The following FAM120A variants were observed in gnomAD, a reference collection of about 807,000 sequenced individuals.
FAM120A encodes constitutive coactivator of PPAR-gamma-like protein 1.
In FAM120A, 15 loss-of-function variants were observed where a neutral mutation model predicts 109.7. The ratio of observed to expected loss-of-function variants is 0.14; its 90% CI spans 0.09 to 0.21. FAM120A has a LOEUF of 0.21. Among genes scored for constraint, FAM120A ranks in the 10% least tolerant of loss-of-function variants. The probability of loss-of-function intolerance (pLI) is 1.00; values close to 1 mark genes in which losing one functional copy is unlikely to be tolerated. For synonymous variants in FAM120A, 493 were observed against 572.8 expected (o/e 0.86, Z 1.99); for missense variants, 899 against 1,439.3 (o/e 0.62, Z 6.07).
In FAM120A at chr9:93,564,315, T is replaced by C; in HGVS notation, c.3132T>C (p.Ser1044=). Residue 1044 remains serine, a synonymous_variant, in exon 18 of 18, where the codon TCT becomes TCC. Transcript: ENST00000277165. ...KSGESKSSAM[S]SDGSLAENGV... is the part of the protein sequence containing the mutation. ...GGGAATCGAAGTCCTCTGCTATGTC[T>C]TCAGACGGGTCCCTGGCTGAAAACG... The C allele has an allele frequency of 1.2e-6, 2 of 1,614,234 alleles. No homozygotes were observed. The highest frequency in any genetic ancestry group is 8.5e-7 in the Non-Finnish European group (1 of 1,180,034).
At chr9:93,496,527 T>C (rs1859581663) in intron 3 of FAM120A, among the ~76,000 whole-genome samples, 1 of 152,236 alleles carries the variant, frequency 6.6e-6, no homozygotes, top group Non-Finnish European at 1.5e-5. Flanking sequence ...CTCTGCAGGC[T>C]CTCGGGAGGA....
At chr9:93,495,164 C>T (rs1416602433) in intron 3 of FAM120A, among the ~76,000 whole-genome samples, 1 of 152,194 alleles carries the variant, frequency 6.6e-6, no homozygotes, top group Non-Finnish European at 1.5e-5. Flanking sequence ...TTGCCAGTGG[C>T]CTGTGGGCCA....
intron 5 of FAM120A, among the ~76,000 whole-genome samples, chr9:93,514,348 G>C (rs893073827): frequency 6.6e-6 from 1 of 152,196 alleles, no homozygotes; most frequent in East Asian, 1.9e-4. Context: ...GGGATGTGCA[G>C]CCTAACCATA....
rs150866667 is a variant in FAM120A at position 93,529,496 on chromosome 9, C to T, written c.1650C>T (p.Pro550=). Residue 550 remains proline (P), a synonymous_variant, in exon 9 of 18, where the codon CCC becomes CCT. Coordinates refer to ENST00000277165, the MANE Select transcript of FAM120A (RefSeq NM_014612.5). ...ACATCACCACACCTCCCCTGCCCCC[C>T]GTCGCACCTGAGGTGCTGAGAGTGG... ...HMDITTPPLP[P]VAPEVLRVAE... 5.6e-5 allele frequency: 90 copies of T among 1,614,234 alleles called. 1 individual carries two copies. The highest frequency in any genetic ancestry group is 4.4e-4 in the South Asian group (40 of 91,080).
intron 5 of FAM120A, among the ~76,000 whole-genome samples, chr9:93,501,961 A>G (rs1859821636): frequency 6.6e-6 from 1 of 152,252 alleles, no homozygotes; most frequent in Non-Finnish European, 1.5e-5. Context: ...TTGAAAGTCT[A>G]GAAGGAACAA....
At position 93,483,821 on chromosome 9, in the gene FAM120A, T is replaced by A. The variant is rs570386044; in HGVS notation, c.804+7483T>A. Among the ~76,000 whole-genome samples, 14 of 152,368 alleles carry A rather than the reference T, an allele frequency of 9.2e-5. No individual in the cohort carries two copies. In the South Asian group the frequency reaches 2.9e-3, roughly 32 times the overall value. On this transcript the variant is annotated intron_variant, in intron 3 of 17. Coordinates refer to ENST00000277165, the MANE Select transcript of FAM120A (RefSeq NM_014612.5). ...TTAAGTCTTGAAAACCTGCATTTAA[T>A]AAGAAATTTGTTATTTGCTCCTTTT...
chr9:93,498,480 T>C lies in FAM120A; in HGVS notation c.934-310T>C, dbSNP rs749307528. 6.6e-6 allele frequency among the ~76,000 whole-genome samples: 1 copy of C among 152,136 alleles called. No individual in the cohort carries two copies. The highest frequency in any genetic ancestry group is 1.5e-5 in the Non-Finnish European group (1 of 68,004). On this transcript the variant is annotated intron_variant, in intron 4 of 17. Coordinates refer to ENST00000277165, the MANE Select transcript of FAM120A (RefSeq NM_014612.5). This position sits in a 1 kb window ranked among gnomAD's most constrained non-coding sequence, Gnocchi z 4.4. Reference sequence around the variant, plus strand: ...TTCCCTTGGTACAGATGGCTTGAGATTCCTCTCTGGGCAGGACCAGAGACC... The same window carrying C: ...TTCCCTTGGTACAGATGGCTTGAGACTCCTCTCTGGGCAGGACCAGAGACC...
intron 5 of FAM120A, among the ~76,000 whole-genome samples, chr9:93,504,057 T>C (rs1003305846): frequency 6.6e-6 from 1 of 152,104 alleles, no homozygotes; most frequent in African/African-American, 2.4e-5. Flanking sequence ...ACGATTAAAA[T>C]GGCTGGTTCT....
At position 93,561,187 on chromosome 9, in the gene FAM120A, G is replaced by T. The variant is rs775964897; in HGVS notation, c.2885G>T (p.Arg962Leu). The T allele has an allele frequency of 3.7e-6, 6 of 1,613,708 alleles. No individual in the cohort carries two copies. In the South Asian group the frequency reaches 6.6e-5, roughly 18 times the overall value. ...TVVGHWAGSR[R>L]GRGGRGPFPL... ...GTTGGCCATTGGGCTGGGAGCAGGC[G>T]GGGCCGTGGGGGCCGGGGGCCTTTC... The change falls in exon 16 of 18, where the codon CGG (arginine) becomes CTG (leucine). Residue 962 changes from arginine (R) to leucine (L), a missense_variant. Coordinates refer to ENST00000277165, the MANE Select transcript of FAM120A (RefSeq NM_014612.5).
chr9:93,517,862 T>C (rs1345818471), intron 7 of FAM120A, among the ~76,000 whole-genome samples: 3 of 152,172 alleles, frequency 2.0e-5, no homozygotes, highest in Admixed American at 2.0e-4. Context: ...GAGCTGAACT[T>C]GGAGTGAGTA....
At chr9:93,511,979 A>G (rs1321496920) in intron 5 of FAM120A, among the ~76,000 whole-genome samples, 1 of 152,144 alleles carries the variant, frequency 6.6e-6, no homozygotes, top group Non-Finnish European at 1.5e-5. Context: ...TTTAGTAGAG[A>G]CGGGCTTTCG....
chr9:93,555,792 A>G lies in FAM120A; in HGVS notation c.2275-590A>G, dbSNP rs530060840. On this transcript the variant is annotated intron_variant, in intron 12 of 17. Transcript: ENST00000277165. ...TGTTGTCTTCTTTCATTTATAAGCT[A>G]TCCATTTCTCCAAAAGACATTTTGA... 3.3e-5 allele frequency among the ~76,000 whole-genome samples: 5 copies of G among 152,354 alleles called. No individual in the cohort carries two copies. In the South Asian group the frequency reaches 8.3e-4, roughly 25 times the overall value.
chr9:93,548,553 A>T (rs1407229535), intron 11 of FAM120A, among the ~76,000 whole-genome samples: 1 of 152,236 alleles, frequency 6.6e-6, no homozygotes, highest in Admixed American at 6.5e-5. Context: ...TGAACTGTAC[A>T]CTTAAAAATG....
chr9:93,508,620 TGGG>T (rs1860170491), intron 5 of FAM120A, among the ~76,000 whole-genome samples: 1 of 152,166 alleles, frequency 6.6e-6, no homozygotes, highest in South Asian at 2.1e-4. Flanking sequence ...AGGGAGAAGC[TGGG>T]TTGGTCCTGG....
chr9:93,541,015 A>G (rs1217735986), intron 10 of FAM120A, among the ~76,000 whole-genome samples: 2 of 150,712 alleles, frequency 1.3e-5, no homozygotes, highest in Admixed American at 6.6e-5. Context: ...GACATGCACA[A>G]CCTAAACCCA....
At chr9:93,516,485 A>C (rs1194011196) in intron 7 of FAM120A, among the ~76,000 whole-genome samples, 1 of 152,152 alleles carries the variant, frequency 6.6e-6, no homozygotes, top group Non-Finnish European at 1.5e-5. Flanking sequence ...AATCTGCACT[A>C]TCCCAGCCCC....
chr9:93,557,731 T>A (rs966436405), intron 13 of FAM120A, 96 bp from the exon 14 acceptor site: 2 of 1,221,548 alleles, frequency 1.6e-6, no homozygotes, highest in Admixed American at 2.7e-5. Flanking sequence ...GGGAACCAAC[T>A]GTATAGTTGA....
chr9:93,505,722 T>C (rs922168679), intron 5 of FAM120A, among the ~76,000 whole-genome samples: 2 of 152,240 alleles, frequency 1.3e-5, no homozygotes, highest in African/African-American at 2.4e-5. Context: ...ATGTGTGGCT[T>C]ATTGTACAGT....
rs757728306 is a variant in FAM120A, at chr9:93,458,445, G to A, written c.474+6056G>A. Among the ~76,000 whole-genome samples, 117 of 152,112 alleles carry A rather than the reference G, an allele frequency of 7.7e-4. 1 individual carries two copies. Among genetic ancestry groups the A allele is most frequent in the Non-Finnish European group, 1.0e-3 (69 of 68,016 alleles). ...CCATAGAGTCATGCTTGGTATTCCA[G>A]CATCCCATCCTCCCAGTCCCTAGAA... On this transcript the variant is annotated intron_variant, in intron 1 of 17. Coordinates refer to ENST00000277165, the MANE Select transcript of FAM120A (RefSeq NM_014612.5).
Sources: allele counts gnomAD v4.1 joint callset (sites outside exome capture counted in the v4.1 genomes callset), GRCh38; gene constraint gnomAD v4.1.1; non-coding constraint Gnocchi (gnomAD v3.1); transcripts MANE v1.5; gene names NCBI Gene and HGNC (gene_info 2026-07-23, HGNC 2026-07-21).